The following BRMS1L variants were observed in gnomAD, a reference collection of about 807,000 sequenced individuals.
BRMS1L encodes the protein BRMS1 like transcriptional repressor.
BRMS1L carries 23 observed loss-of-function variants against 50.3 expected under a neutral mutation model. That is an observed-to-expected ratio of 0.46 (90% CI 0.33 to 0.65). BRMS1L has a LOEUF of 0.65. Among genes scored for constraint, BRMS1L ranks in the 30% least tolerant of loss-of-function variants. The pLI, the probability that BRMS1L is intolerant of heterozygous loss-of-function variation, is 0.02. For missense variants in BRMS1L, 286 were observed against 386.1 expected (o/e 0.74, Z 2.17); for synonymous variants, 114 against 126.9 (o/e 0.90, Z 0.69).
chr14:35,829,792 T>C (rs1393751230), intron 1 of BRMS1L: 1 of 1,208,884 alleles, frequency 8.3e-7, no homozygotes, highest in Non-Finnish European at 1.1e-6. Flanking sequence ...CTCTTTCTCA[T>C]AGTTTGACTT....
At chr14:35,868,325 C>T (rs2078447029) in intron 9 of BRMS1L, among the ~76,000 whole-genome samples, 2 of 152,134 alleles carry the variant, frequency 1.3e-5, no homozygotes, top group African/African-American at 4.8e-5. Flanking sequence ...TCGTTAGGAT[C>T]GTGCTATAAT....
At position 35,826,397 on chromosome 14, in the gene BRMS1L, G is replaced by C. The variant is rs930086784; in HGVS notation, c.-120G>C. 6.9e-7 allele frequency: 1 copy of C among 1,443,750 alleles called. No individual in the cohort carries two copies. The highest frequency in any genetic ancestry group is 9.4e-7 in the Non-Finnish European group (1 of 1,067,720). The allele number at this position is 1,443,750 out of a possible 1,614,324, so 89.4% of individuals were successfully genotyped here. Reference sequence around the variant, plus strand: ...TGAGGCCCGGGCCGGGGGCGGGGAGGAGCCAAGGGGGCGAGCAAGCTCGGT... The same window carrying C: ...TGAGGCCCGGGCCGGGGGCGGGGAGCAGCCAAGGGGGCGAGCAAGCTCGGT... On this transcript the variant is annotated 5_prime_UTR_variant, in exon 1 of 10. Transcript: ENST00000216807.
At chr14:35,852,698 G>A (rs1299122041) in intron 4 of BRMS1L, among the ~76,000 whole-genome samples, 2 of 152,088 alleles carry the variant, frequency 1.3e-5, no homozygotes, top group Non-Finnish European at 2.9e-5. Flanking sequence ...TTGGGAGGCC[G>A]AGGTGGGCAG....
intron 4 of BRMS1L, among the ~76,000 whole-genome samples, chr14:35,848,023 A>G (rs1339415376): frequency 6.6e-6 from 1 of 152,210 alleles, no homozygotes; most frequent in African/African-American, 2.4e-5. Flanking sequence ...GTGGGAGTAC[A>G]AATATTTCTT....
rs144773777 is a variant in BRMS1L at position 35,862,653 on chromosome 14, G to A, written c.505G>A (p.Glu169Lys). The A allele has an allele frequency of 6.2e-7, 1 of 1,611,590 alleles. No individual in the cohort carries two copies. The highest frequency in any genetic ancestry group is 1.1e-5 in the South Asian group (1 of 90,762). Residue 169 changes from glutamate to lysine, a missense_variant, in exon 5 of 10, where the codon GAA becomes AAA. Around this residue, in one of 5 missense-constraint regions of BRMS1L, gnomAD observed 160 missense variants for 240.6 expected, o/e 0.66. Transcript: ENST00000216807. ...ACTAGAGGAGAAGATAAGAAGGCTT[G>A]AAGAGGATAGGCACAGCATTGATAT... ...SELEEKIRRL[E>K]EDRHSIDITS...
In BRMS1L at chr14:35,826,358, T is replaced by G. The variant is rs1206257028; in HGVS notation, c.-159T>G. 2 of 1,081,186 alleles carry G rather than the reference T, an allele frequency of 1.8e-6. No homozygotes were observed. Among genetic ancestry groups the G allele is most frequent in the Non-Finnish European group, 2.6e-6 (2 of 762,720 alleles). The allele number at this position is 1,081,186 out of a possible 1,614,324, so 67.0% of individuals were successfully genotyped here. A position where few individuals can be genotyped will look rare whatever the true frequency, so the allele number is the denominator to read the frequency against. On this transcript the variant is annotated 5_prime_UTR_variant, in exon 1 of 10. Transcript: ENST00000216807. ...ATGGCAGAGCTCCCATCGCAGAGCC[T>G]GCGGGTTAGGTTGTGAGGCCCGGGC... is the stretch of plus-strand genomic sequence containing the variant.
At chr14:35,853,677 T>C (rs1566424734) in intron 4 of BRMS1L, among the ~76,000 whole-genome samples, 1 of 152,174 alleles carries the variant, frequency 6.6e-6, no homozygotes, top group African/African-American at 2.4e-5. Context: ...TCCTCCTGCC[T>C]CAGCCTCCCA....
At chr14:35,857,794 A>T (rs1251115625) in intron 4 of BRMS1L, among the ~76,000 whole-genome samples, 1 of 150,994 alleles carries the variant, frequency 6.6e-6, no homozygotes, top group East Asian at 1.9e-4. Context: ...TTTCTTGTGT[A>T]TTTTTTTAAA....
At chr14:35,842,005 T>C (rs934358850) in intron 4 of BRMS1L, among the ~76,000 whole-genome samples, 6 of 150,594 alleles carry the variant, frequency 4.0e-5, no homozygotes, top group Non-Finnish European at 5.9e-5. Flanking sequence ...CTGCTTTTTT[T>C]TTTTTTTTTT....
intron 4 of BRMS1L, among the ~76,000 whole-genome samples, chr14:35,857,599 G>C (rs1820753449): frequency 6.6e-6 from 1 of 152,188 alleles, no homozygotes; most frequent in South Asian, 2.1e-4. Context: ...GGAATTATAA[G>C]TGTGAGCCAC....
intron 4 of BRMS1L, among the ~76,000 whole-genome samples, chr14:35,861,830 A>G (rs1227331610): frequency 6.6e-6 from 1 of 152,180 alleles, no homozygotes; most frequent in African/African-American, 2.4e-5. Flanking sequence ...GCTATATCCA[A>G]TTATCTAATA....
chr14:35,863,621 G>T (rs1226041252), intron 5 of BRMS1L, among the ~76,000 whole-genome samples: 8 of 152,150 alleles, frequency 5.3e-5, no homozygotes, highest in Non-Finnish European at 4.4e-5. Context: ...TTTACAAAGT[G>T]CATGACAATA....
intron 4 of BRMS1L, among the ~76,000 whole-genome samples, chr14:35,837,223 C>G (rs996043701): frequency 6.6e-6 from 1 of 151,592 alleles, no homozygotes; most frequent in African/African-American, 2.4e-5. Context: ...CCATTGCACT[C>G]CAGCCTGGGC....
At chr14:35,843,778 G>A (rs1248459058) in intron 4 of BRMS1L, among the ~76,000 whole-genome samples, 1 of 152,222 alleles carries the variant, frequency 6.6e-6, no homozygotes, top group African/African-American at 2.4e-5. Context: ...TGCTGAAGCT[G>A]CGCCCATAGC....
chr14:35,871,397 A>C lies in BRMS1L; in HGVS notation c.*920A>C, dbSNP rs963117564. 2.6e-5 allele frequency: 4 copies of C among 152,602 alleles called. No individual in the cohort carries two copies. Among genetic ancestry groups the C allele is most frequent in the African/African-American group, 9.7e-5 (4 of 41,436 alleles). 9.5% of individuals were successfully genotyped at this position (152,602 alleles called of 1,614,324 possible). On this transcript the variant is annotated 3_prime_UTR_variant, in exon 10 of 10. Transcript: ENST00000216807. ...ATTATTTCCTTGAATCTATTTCCAA[A>C]TTAATATTTTTTTCTTTGGTATTTC...
Position 35,862,688 on chromosome 14 carries a change from T to C in BRMS1L, c.538+2T>C. ...GGCACAGCATTGATATTACCTCAGG[T>C]AAGGAGAATGATATGATTGTGATGT... is the stretch of plus-strand genomic sequence containing the variant. On this transcript the variant is annotated splice_donor_variant, in intron 5 of 9. Transcript: ENST00000216807. LOFTEE classifies it high-confidence loss of function. 1 of 1,601,236 alleles carries C rather than the reference T, an allele frequency of 6.2e-7. No homozygotes were observed. The highest frequency in any genetic ancestry group is 8.5e-7 in the Non-Finnish European group (1 of 1,171,444).
At chr14:35,828,223 A>T (rs1447081007) in intron 1 of BRMS1L, among the ~76,000 whole-genome samples, 2 of 151,762 alleles carry the variant, frequency 1.3e-5, no homozygotes, top group South Asian at 2.1e-4. Flanking sequence ...CCCAGGCTGG[A>T]GTGTAATGGC....
chr14:35,860,601 T>C (rs1048119369), intron 4 of BRMS1L, among the ~76,000 whole-genome samples: 2 of 151,534 alleles, frequency 1.3e-5, no homozygotes, highest in Admixed American at 6.6e-5. Context: ...AAAAAAACTA[T>C]TGTAGCGTTT....
At position 35,867,915 on chromosome 14, in the gene BRMS1L, A is replaced by G. The variant is rs1282961767; in HGVS notation, c.737A>G (p.Lys246Arg). The stretch of plus-strand genomic sequence containing the variant: ...GAACTGATCCCTTTAGCACCTGTGA[A>G]ACTGGAAAAACATCTGCACAGTGCT... ...PHRVKTEPPV[K>R]LEKHLHSARS... The change falls in exon 9 of 10, where the codon AAA (lysine) becomes AGA (arginine). Residue 246 changes from lysine to arginine, a missense_variant. This residue lies in a region of BRMS1L where 160 missense variants were observed against 240.6 expected (regional missense o/e 0.66). Transcript: ENST00000216807. 2 of 1,598,766 alleles carry G rather than the reference A, an allele frequency of 1.3e-6. No individual in the cohort carries two copies.
Sources: gnomAD v4.1 joint callset for allele counts (sites outside exome capture counted in the v4.1 genomes callset) on GRCh38, gnomAD v4.1.1 for gene constraint, gnomAD v4.1.1 regional missense constraint, MANE v1.5 for transcripts, NCBI Gene and HGNC (gene_info 2026-07-23, HGNC 2026-07-21) for gene names.